The following RANBP2 variants were observed in gnomAD, a reference collection of about 807,000 sequenced individuals.
RANBP2 encodes the protein RAN binding protein 2, also known as E3 SUMO-protein ligase RanBP2.
Under a neutral mutation model 303.6 loss-of-function variants are expected in RANBP2, and 57 were observed. The observed-to-expected ratio is 0.19, with a 90% confidence interval of 0.15 to 0.23. The LOEUF is 0.23. Among genes scored for constraint, RANBP2 ranks in the 10% least tolerant of loss-of-function variants. The pLI is 1.00. For synonymous variants in RANBP2, 1,167 were observed against 1,301.5 expected, an observed-to-expected ratio of 0.90 and a Z score of 2.23; for missense variants, 3,138 against 3,780.8, an observed-to-expected ratio of 0.83 and a Z score of 4.46.
At chr2:109,678,080 G>C in the RANBP2 span, among the ~76,000 whole-genome samples, 1 of 152,220 alleles carries the variant, frequency 6.6e-6, no homozygotes, top group Non-Finnish European at 1.5e-5. Flanking sequence ...GCTTCGGAAG[G>C]ATGTGCAGTG....
chr2:109,261,736 G>A, the RANBP2 span, among the ~76,000 whole-genome samples: 3 of 152,192 alleles, frequency 2.0e-5, no homozygotes, highest in African/African-American at 7.2e-5. Context: ...TTGAGAATCA[G>A]TGTAATCGGC....
At chr2:109,508,668 C>A in the RANBP2 span, among the ~76,000 whole-genome samples, 1 of 152,112 alleles carries the variant, frequency 6.6e-6, no homozygotes, top group Non-Finnish European at 1.5e-5. Context: ...CTGGAGACAG[C>A]CAGGAAGTGT....
At chr2:109,314,604 T>C in the RANBP2 span, among the ~76,000 whole-genome samples, 1 of 152,260 alleles carries the variant, frequency 6.6e-6, no homozygotes, top group Non-Finnish European at 1.5e-5. Flanking sequence ...TTAATTTGCA[T>C]GTGTCTGTCA....
At chr2:108,720,949 T>A (rs1335766434) in intron 1 of RANBP2, among the ~76,000 whole-genome samples, 4 of 152,026 alleles carry the variant, frequency 2.6e-5, no homozygotes, top group Non-Finnish European at 4.4e-5. Context: ...CCCGGGAGGC[T>A]GAGGCAGGAG....
the RANBP2 span, among the ~76,000 whole-genome samples, chr2:109,394,950 G>C: frequency 3.3e-5 from 5 of 152,254 alleles, no homozygotes; most frequent in Non-Finnish European, 7.3e-5. Flanking sequence ...GGCAGGCGAG[G>C]GCATCCTGTG....
chr2:109,689,865 A>T, the RANBP2 span, among the ~76,000 whole-genome samples: 1 of 152,084 alleles, frequency 6.6e-6, no homozygotes, highest in Non-Finnish European at 1.5e-5. Context: ...TGTTTTTCCA[A>T]AAAAAAGTGA....
At chr2:108,803,321 G>T in the RANBP2 span, among the ~76,000 whole-genome samples, 1 of 152,214 alleles carries the variant, frequency 6.6e-6, no homozygotes, top group Non-Finnish European at 1.5e-5. Context: ...TCTTCTGCGG[G>T]ATTCTCCCCA....
chr2:109,257,711 CAGTT>C, the RANBP2 span, among the ~76,000 whole-genome samples: 10 of 152,254 alleles, frequency 6.6e-5, no homozygotes, highest in South Asian at 6.2e-4. Context: ...CTGAAGTAGA[CAGTT>C]AGAGCTCCCT....
the RANBP2 span, among the ~76,000 whole-genome samples, chr2:109,278,126 A>C: frequency 8.0e-3 from 1,217 of 151,820 alleles, 22 homozygotes; most frequent in African/African-American, 0.028. Context: ...GCAGTGAGCC[A>C]TGATTGTGCC....
the RANBP2 span, among the ~76,000 whole-genome samples, chr2:109,278,174 C>T: frequency 1.5e-5 from 2 of 129,080 alleles, no homozygotes; most frequent in African/African-American, 2.8e-5. Flanking sequence ...AAGACCCAAT[C>T]TTAAAAAAAA....
At chr2:109,045,606 G>A in the RANBP2 span, among the ~76,000 whole-genome samples, 1 of 152,136 alleles carries the variant, frequency 6.6e-6, no homozygotes, top group Non-Finnish European at 1.5e-5. Flanking sequence ...ACGTGTAAGG[G>A]GACTCAAGAC....
At chr2:109,443,979 T>C in the RANBP2 span, among the ~76,000 whole-genome samples, 2 of 152,220 alleles carry the variant, frequency 1.3e-5, no homozygotes, top group Admixed American at 1.3e-4. Flanking sequence ...TGAGATAGAT[T>C]ATGTACTGGG....
the RANBP2 span, among the ~76,000 whole-genome samples, chr2:109,066,577 G>A: frequency 6.6e-6 from 1 of 152,134 alleles, no homozygotes; most frequent in South Asian, 2.1e-4. Flanking sequence ...AACGCAGTTG[G>A]TGTCCGCTGC....
the RANBP2 span, among the ~76,000 whole-genome samples, chr2:109,097,227 C>G: frequency 1.3e-5 from 2 of 152,172 alleles, no homozygotes; most frequent in African/African-American, 4.8e-5. Context: ...TCGCTTGAAC[C>G]CGGGAGGTGG....
At chr2:109,737,281 C>T in the RANBP2 span, 1 of 703,020 alleles carries the variant, frequency 1.4e-6, no homozygotes, top group African/African-American at 1.8e-5. Flanking sequence ...TTTCAAATAC[C>T]TTTTGGAAAA....
the RANBP2 span, among the ~76,000 whole-genome samples, chr2:109,373,536 G>T: frequency 2.0e-5 from 3 of 152,184 alleles, no homozygotes; most frequent in East Asian, 5.8e-4. Flanking sequence ...TGAAATTTTT[G>T]AAAGAAGCCA....
chr2:108,759,245 T>A (rs1362431994), intron 18 of RANBP2, among the ~76,000 whole-genome samples: 2 of 152,070 alleles, frequency 1.3e-5, no homozygotes, highest in African/African-American at 4.8e-5. Context: ...TTTTATTTAA[T>A]TACAGTAACT....
chr2:108,995,020 T>C, the RANBP2 span, among the ~76,000 whole-genome samples: 18 of 151,924 alleles, frequency 1.2e-4, no homozygotes, highest in South Asian at 1.7e-3. Context: ...TTAGTAGAGA[T>C]GAGGTTTCAC....
chr2:109,455,667 C>T, the RANBP2 span, among the ~76,000 whole-genome samples: 1 of 152,208 alleles, frequency 6.6e-6, no homozygotes, highest in African/African-American at 2.4e-5. Flanking sequence ...TGAAGAATCG[C>T]TGGCTTATAA....
Sources: gnomAD v4.1 joint callset for allele counts (sites outside exome capture counted in the v4.1 genomes callset) on GRCh38, gnomAD v4.1.1 for gene constraint, MANE v1.5 for transcripts, NCBI Gene and HGNC (gene_info 2026-07-23, HGNC 2026-07-21) for gene names.